Variants in OSBPL1A observed in about 807,000 individuals in gnomAD.
OSBPL1A encodes oxysterol binding protein like 1A.
A neutral mutation model predicts 137.1 loss-of-function variants in OSBPL1A; 80 were observed. The ratio of observed to expected loss-of-function variants is 0.58; its 90% CI spans 0.49 to 0.70. OSBPL1A has a LOEUF of 0.70. Among genes scored for constraint, OSBPL1A ranks in the 30% least tolerant of loss-of-function variants. OSBPL1A has a pLI of 0.00. For synonymous variants in OSBPL1A, 365 were observed against 389.7 expected (o/e 0.94, Z 0.75); for missense variants, 970 against 1,129.4 (o/e 0.86, Z 2.02).
intron 24 of OSBPL1A, among the ~76,000 whole-genome samples, chr18:24,168,979 GCCT>G (rs1460372232): frequency 6.6e-6 from 1 of 152,266 alleles, no homozygotes; most frequent in Non-Finnish European, 1.5e-5. Flanking sequence ...TTGTCAAGGT[GCCT>G]CCTATTAGCA....
At chr18:24,303,607 T>C (rs2090444164) in intron 14 of OSBPL1A, 30 bp downstream of exon 14, 1 of 1,559,730 alleles carries the variant, frequency 6.4e-7, no homozygotes, top group African/African-American at 1.4e-5. Context: ...TGTTAAAGAG[T>C]GATTGTAGGG....
chr18:24,323,027 A>T (rs886686565), intron 7 of OSBPL1A, among the ~76,000 whole-genome samples: 1 of 152,232 alleles, frequency 6.6e-6, no homozygotes, highest in African/African-American at 2.4e-5. Context: ...ATTAATTTAC[A>T]TAGAATGTAA....
rs763767663 is a variant in OSBPL1A, at chr18:24,318,623, C to T, written c.710G>A (p.Arg237Gln). 19 of 1,609,944 alleles carry T rather than the reference C, an allele frequency of 1.2e-5. No individual in the cohort carries two copies. Among genetic ancestry groups the T allele is most frequent in the Admixed American group, 1.2e-4 (7 of 59,732 alleles). The change falls in exon 9 of 28, where the codon CGA becomes CAA. Residue 237 changes from arginine to glutamine, a missense_variant. Transcript: ENST00000319481. ...GNKVIYKALKRYEGPLWKSSR... is the reference protein window; with the variant it reads ...GNKVIYKALKQYEGPLWKSSR... ...TACCTTCCAGAGAGGGCCCTCATAT[C>T]GTTTCAATGCTTTGTAGATGACCTG...
chr18:24,163,855 C>T (rs2086079000), intron 27 of OSBPL1A, among the ~76,000 whole-genome samples: 1 of 152,078 alleles, frequency 6.6e-6, no homozygotes, highest in Non-Finnish European at 1.5e-5. Flanking sequence ...GCCTCAGCCT[C>T]CCGAGTAGCT....
intron 15 of OSBPL1A, among the ~76,000 whole-genome samples, chr18:24,264,942 A>C (rs571391033): frequency 1.2e-4 from 19 of 152,234 alleles, no homozygotes; most frequent in Non-Finnish European, 2.2e-4. Context: ...AATAAAGAAT[A>C]GATCACTTTC....
At chr18:24,326,177 A>T (rs9963426) in intron 7 of OSBPL1A, among the ~76,000 whole-genome samples, 3,175 of 152,338 alleles carry the variant, frequency 0.021, 106 homozygotes, top group African/African-American at 0.072. Flanking sequence ...ATCCACATGA[A>T]GTACTTTCCA....
At chr18:24,196,088 A>G in intron 18 of OSBPL1A, 37 bp downstream of exon 18, 2 of 1,501,320 alleles carry the variant, frequency 1.3e-6, no homozygotes, top group Non-Finnish European at 1.8e-6. Context: ...GATTAAACAT[A>G]TCTGCTTAAT....
intron 15 of OSBPL1A, chr18:24,272,370 G>A (rs1691241468): frequency 1.2e-6 from 1 of 848,300 alleles, no homozygotes; most frequent in Admixed American, 6.2e-5. Flanking sequence ...TCGCGTTTAC[G>A]GTTCCAAAAC....
intron 5 of OSBPL1A, among the ~76,000 whole-genome samples, chr18:24,334,858 C>T (rs548281086): frequency 6.6e-6 from 1 of 152,254 alleles, no homozygotes; most frequent in African/African-American, 2.4e-5. Context: ...TTTATAATTC[C>T]TCCTTTGCAG....
chr18:24,210,697 C>T (rs937383573), intron 17 of OSBPL1A, among the ~76,000 whole-genome samples: 6 of 151,814 alleles, frequency 4.0e-5, no homozygotes, highest in Non-Finnish European at 8.8e-5. Context: ...ACCATACTCA[C>T]CTATTTTTTC....
At chr18:24,204,714 C>T (rs1312754962) in intron 17 of OSBPL1A, among the ~76,000 whole-genome samples, 1 of 152,138 alleles carries the variant, frequency 6.6e-6, no homozygotes, top group Non-Finnish European at 1.5e-5. Context: ...CTAAGATTCT[C>T]GTGCCCTCTA....
intron 4 of OSBPL1A, among the ~76,000 whole-genome samples, chr18:24,364,509 T>C (rs964123496): frequency 6.6e-6 from 1 of 152,190 alleles, no homozygotes; most frequent in Non-Finnish European, 1.5e-5. Flanking sequence ...CAGTCCCAGC[T>C]ACTCAAGAGG....
chr18:24,173,831 C>T (rs2086357532), intron 21 of OSBPL1A, among the ~76,000 whole-genome samples: 1 of 152,214 alleles, frequency 6.6e-6, no homozygotes, highest in Non-Finnish European at 1.5e-5. Flanking sequence ...AATCAGGATC[C>T]TAAACAACTC....
chr18:24,186,903 C>CAAAAAAA (rs57438319), intron 18 of OSBPL1A, among the ~76,000 whole-genome samples: 1 of 62,628 alleles, frequency 1.6e-5, no homozygotes, highest in Non-Finnish European at 3.1e-5. Context: ...GACTCTGTCT[C>CAAAAAAA]AAAAAAAAAA....
At chr18:24,351,334 G>GC (rs2091434805) in intron 4 of OSBPL1A, among the ~76,000 whole-genome samples, 2 of 68,072 alleles carry the variant, frequency 2.9e-5, no homozygotes, top group East Asian at 1.1e-3. Flanking sequence ...GGACAACAGA[G>GC]AAGACTCTGT....
Position 24,377,509 on chromosome 18 carries a change from G to A in OSBPL1A, c.25C>T (p.Leu9Phe). 1 of 1,608,480 alleles carries A rather than the reference G, an allele frequency of 6.2e-7. No homozygotes were observed. Among genetic ancestry groups the A allele is most frequent in the Non-Finnish European group, 8.5e-7 (1 of 1,178,684 alleles). The change falls in exon 2 of 28, where the codon CTT (leucine) becomes TTT (phenylalanine). Residue 9 changes from leucine to phenylalanine, a missense_variant. Around this residue, in one of 2 missense-constraint regions of OSBPL1A, gnomAD observed 647 missense variants for 672.6 expected, o/e 0.96. Coordinates refer to ENST00000319481, the MANE Select transcript of OSBPL1A (RefSeq NM_080597.4). ...TTGCCATTTCTGGCGTGATGGAGAA[G>A]CTGTTGCTCCGCTTCTGTGTTCATT... is the stretch of plus-strand genomic sequence containing the variant. MNTEAEQQLLHHARNGNAE... is the reference protein window; with the variant it reads MNTEAEQQFLHHARNGNAE...
chr18:24,321,334 A>G (rs1599664024), intron 7 of OSBPL1A, among the ~76,000 whole-genome samples: 1 of 152,160 alleles, frequency 6.6e-6, no homozygotes, highest in East Asian at 1.9e-4. Flanking sequence ...CCAACTTACA[A>G]CAGTTCAACT....
At chr18:24,206,750 G>A (rs1284812797) in intron 17 of OSBPL1A, among the ~76,000 whole-genome samples, 1 of 152,174 alleles carries the variant, frequency 6.6e-6, no homozygotes, top group African/African-American at 2.4e-5. Flanking sequence ...ATGGGATTTT[G>A]AAAGCAACTC....
chr18:24,375,634 A>G (rs1274119660), intron 2 of OSBPL1A, among the ~76,000 whole-genome samples: 1 of 152,114 alleles, frequency 6.6e-6, no homozygotes, highest in Non-Finnish European at 1.5e-5. Flanking sequence ...TTCAAGTTCC[A>G]GTTTCACACC....
Sources: gnomAD v4.1 joint callset for allele counts (sites outside exome capture counted in the v4.1 genomes callset) on GRCh38, gnomAD v4.1.1 for gene constraint, gnomAD v4.1.1 regional missense constraint, MANE v1.5 for transcripts, NCBI Gene and HGNC (gene_info 2026-07-23, HGNC 2026-07-21) for gene names.